SLC24A2: variants seen among roughly 807,000 people sequenced by gnomAD.
SLC24A2 encodes solute carrier family 24 member 2.
A neutral mutation model predicts 62.0 loss-of-function variants in SLC24A2; 36 were observed. That is an observed-to-expected ratio of 0.58 (90% CI 0.44 to 0.77). The LOEUF is 0.77. Among genes scored for constraint, SLC24A2 ranks in the 30% least tolerant of loss-of-function variants. SLC24A2 has a pLI of 0.00. For missense variants in SLC24A2, 846 were observed against 817.9 expected (o/e 1.03, Z -0.42); for synonymous variants, 358 against 294.0 (o/e 1.22, Z -2.23).
chr9:19,898,389 C>T, the SLC24A2 span, among the ~76,000 whole-genome samples: 319 of 152,330 alleles, frequency 2.1e-3, 1 homozygote, highest in African/African-American at 4.9e-3. Flanking sequence ...TACCTTACCA[C>T]ATTTTTCTTC....
the SLC24A2 span, among the ~76,000 whole-genome samples, chr9:20,026,511 T>C: frequency 1.3e-5 from 2 of 152,164 alleles, no homozygotes; most frequent in Admixed American, 6.6e-5. Context: ...AATTACTCCA[T>C]TGCGTGCCCC....
the SLC24A2 span, chr9:19,926,962 C>T: frequency 6.6e-6 from 1 of 152,464 alleles, no homozygotes; most frequent in Non-Finnish European, 1.5e-5. Context: ...GTTTCCCAGG[C>T]CTCTTTTCAC....
intron 2 of SLC24A2, among the ~76,000 whole-genome samples, chr9:19,769,420 C>G (rs912999138): frequency 9.2e-5 from 14 of 152,234 alleles, no homozygotes; most frequent in African/African-American, 3.4e-4. Flanking sequence ...ACCCTACAGC[C>G]TGTCTCAACA....
At chr9:19,882,241 C>T in the SLC24A2 span, among the ~76,000 whole-genome samples, 10 of 111,930 alleles carry the variant, frequency 8.9e-5, no homozygotes, top group African/African-American at 2.4e-4. Context: ...CTCACCACAC[C>T]CTGGCCAATA....
At chr9:19,560,033 G>C (rs1835313485) in intron 7 of SLC24A2, among the ~76,000 whole-genome samples, 1 of 152,094 alleles carries the variant, frequency 6.6e-6, no homozygotes, top group African/African-American at 2.4e-5. Flanking sequence ...TGAAACTGTA[G>C]TTTAGGACTT....
At chr9:20,020,039 T>C in the SLC24A2 span, among the ~76,000 whole-genome samples, 2 of 152,182 alleles carry the variant, frequency 1.3e-5, no homozygotes, top group African/African-American at 4.8e-5. Flanking sequence ...TCACACCAGT[T>C]AGAATGGCAA....
chr9:20,195,079 T>C, the SLC24A2 span, among the ~76,000 whole-genome samples: 2 of 152,196 alleles, frequency 1.3e-5, no homozygotes, highest in Admixed American at 6.5e-5. Context: ...CCCCAGCTCA[T>C]GTTGATAAGA....
the SLC24A2 span, among the ~76,000 whole-genome samples, chr9:20,298,313 C>A: frequency 6.6e-6 from 1 of 152,230 alleles, no homozygotes; most frequent in African/African-American, 2.4e-5. Context: ...CACTGTACCT[C>A]CACCTTCCAG....
At chr9:19,707,830 T>G (rs369519454) in intron 2 of SLC24A2, among the ~76,000 whole-genome samples, 1 of 152,146 alleles carries the variant, frequency 6.6e-6, no homozygotes, top group East Asian at 1.9e-4. Flanking sequence ...AAGCATTCCC[T>G]TTGAAAGCTG....
At chr9:19,666,901 G>A (rs1296168875) in intron 2 of SLC24A2, among the ~76,000 whole-genome samples, 2 of 152,048 alleles carry the variant, frequency 1.3e-5, no homozygotes, top group Non-Finnish European at 2.9e-5. Flanking sequence ...ACCATGACAA[G>A]TGCTATTTAT....
At chr9:19,574,500 A>T (rs552530273) in intron 6 of SLC24A2, among the ~76,000 whole-genome samples, 4 of 152,290 alleles carry the variant, frequency 2.6e-5, no homozygotes, top group African/African-American at 7.2e-5. Context: ...CTTCATCTGT[A>T]AAACTGGGGT....
chr9:20,096,511 A>T, the SLC24A2 span, among the ~76,000 whole-genome samples: 42,318 of 151,760 alleles, frequency 0.28, 6,581 homozygotes, highest in East Asian at 0.62. Flanking sequence ...TAATCTTTCT[A>T]TATTTTATAC....
chr9:20,290,388 T>C, the SLC24A2 span, among the ~76,000 whole-genome samples: 2 of 152,232 alleles, frequency 1.3e-5, no homozygotes, highest in Non-Finnish European at 2.9e-5. Context: ...GTCAGTTGTT[T>C]CAAATGTATC....
chr9:19,616,883 G>A (rs539508794), intron 4 of SLC24A2, among the ~76,000 whole-genome samples: 1 of 152,212 alleles, frequency 6.6e-6, no homozygotes, highest in East Asian at 1.9e-4. Flanking sequence ...CAGGAGTAAC[G>A]CAGGGAAAAA....
chr9:20,263,270 T>C, the SLC24A2 span, among the ~76,000 whole-genome samples: 1 of 151,632 alleles, frequency 6.6e-6, no homozygotes, highest in Non-Finnish European at 1.5e-5. Flanking sequence ...GAGGTGGGGG[T>C]GAGACAGGAT....
chr9:20,183,434 CAACTA>C, the SLC24A2 span, among the ~76,000 whole-genome samples: 1 of 152,216 alleles, frequency 6.6e-6, no homozygotes, highest in East Asian at 1.9e-4. Flanking sequence ...TGCTTACTGG[CAACTA>C]AACTATATTG....
chr9:20,109,389 T>A, the SLC24A2 span, among the ~76,000 whole-genome samples: 1 of 152,234 alleles, frequency 6.6e-6, no homozygotes, highest in Non-Finnish European at 1.5e-5. Flanking sequence ...TTCAGGAATG[T>A]TTCCACGACC....
chr9:20,010,093 T>A, the SLC24A2 span, among the ~76,000 whole-genome samples: 2 of 152,180 alleles, frequency 1.3e-5, no homozygotes, highest in African/African-American at 4.8e-5. Flanking sequence ...CAGCCAGTGG[T>A]CTCGCTGAAT....
At chr9:20,160,748 C>T in the SLC24A2 span, among the ~76,000 whole-genome samples, 3 of 150,782 alleles carry the variant, frequency 2.0e-5, no homozygotes, top group Non-Finnish European at 3.0e-5. Flanking sequence ...CTATGGGATA[C>T]ATTTAAATAA....
Sources: allele counts gnomAD v4.1 joint callset (sites outside exome capture counted in the v4.1 genomes callset), GRCh38; gene constraint gnomAD v4.1.1; transcripts MANE v1.5; gene names NCBI Gene and HGNC (gene_info 2026-07-23, HGNC 2026-07-21).